Variants in AATF observed in about 807,000 individuals in gnomAD.
AATF encodes the protein apoptosis antagonizing transcription factor, also known as protein AATF.
A neutral mutation model predicts 63.7 loss-of-function variants in AATF; 48 were observed. The ratio of observed to expected loss-of-function variants is 0.75; its 90% confidence interval spans 0.60 to 0.96. The LOEUF (loss-of-function observed/expected upper bound fraction) is 0.96, where lower values mean the gene tolerates loss of function less well. Among genes scored for constraint, AATF ranks in the 40% least tolerant of loss-of-function variants. The pLI, the probability that AATF is intolerant of heterozygous loss-of-function variation, is 0.00. For synonymous variants in AATF, 258 were observed against 247.7 expected, an observed-to-expected ratio of 1.04 and a Z score of -0.39; for missense variants, 639 against 685.7, an observed-to-expected ratio of 0.93 and a Z score of 0.76.
At chr17:37,051,697 G>T (rs1681807) in intron 11 of AATF, among the ~76,000 whole-genome samples, 132 of 137,230 alleles carry the variant, frequency 9.6e-4, no homozygotes, top group African/African-American at 3.5e-3. Context: ...CAGACAGACA[G>T]ACACACACAC....
intron 8 of AATF, among the ~76,000 whole-genome samples, chr17:37,014,267 G>GTAGTAATAATAATAA (rs377360638): frequency 6.9e-6 from 1 of 145,064 alleles, no homozygotes; most frequent in African/African-American, 2.6e-5. Context: ...GACTGTCTTA[G>GTAGTAATAATAATAA]TAATAATAAT....
At chr17:37,012,067 T>TG (rs1426601177) in intron 8 of AATF, among the ~76,000 whole-genome samples, 1 of 152,070 alleles carries the variant, frequency 6.6e-6, no homozygotes, top group Non-Finnish European at 1.5e-5. Flanking sequence ...ATAATTTTTT[T>TG]TTTTTTTAAG....
At chr17:36,988,432 TATTCTC>T in intron 5 of AATF, 81 bp from the exon 6 acceptor site, 1 of 1,305,130 alleles carries the variant, frequency 7.7e-7, no homozygotes, top group Non-Finnish European at 1.1e-6. Context: ...AAGGCCTAAA[TATTCTC>T]AGTCCTTTAT....
At chr17:36,968,349 A>G (rs1056134086) in intron 4 of AATF, among the ~76,000 whole-genome samples, 1 of 120,352 alleles carries the variant, frequency 8.3e-6, no homozygotes, top group Admixed American at 1.3e-4. Context: ...ATCTCGGCTC[A>G]CTGCAGCCTT....
intron 4 of AATF, among the ~76,000 whole-genome samples, chr17:36,976,853 G>A (rs535714500): frequency 4.6e-5 from 7 of 152,280 alleles, no homozygotes; most frequent in South Asian, 2.1e-4. Context: ...CAATTTAAGC[G>A]ATGGTAATTA....
At chr17:36,983,493 A>G (rs1203995893) in intron 4 of AATF, among the ~76,000 whole-genome samples, 2 of 152,030 alleles carry the variant, frequency 1.3e-5, no homozygotes, top group African/African-American at 4.8e-5. Context: ...GACTACAGGC[A>G]TGCGCCACCA....
Position 36,988,692 on chromosome 17 carries a change from C to A in AATF, c.1121C>A (p.Thr374Asn). The change falls in exon 6 of 12, where the codon ACC becomes AAC. Residue 374 changes from threonine to asparagine, a missense_variant. Transcript: ENST00000619387. The part of the protein sequence containing the change: ...NRTLQKWHDK[T>N]KLASGKLGKG... Reference sequence around the variant, plus strand: ...ACACTTCAGAAATGGCACGATAAGACCAAACTGGCTTCTGGAAAACTGGGG... The same window carrying A: ...ACACTTCAGAAATGGCACGATAAGAACAAACTGGCTTCTGGAAAACTGGGG... 1 of 1,613,938 alleles carries A rather than the reference C, an allele frequency of 6.2e-7. No individual in the cohort carries two copies. The highest frequency in any genetic ancestry group is 8.5e-7 in the Non-Finnish European group (1 of 1,179,944).
Position 36,988,731 on chromosome 17 carries a change from G to T in AATF, c.1149+11G>T. ...GGAAAACTGGGGAAGGCAAGTGTGTGTATGCGCGCATGTATGTGTAAGATA... is the reference window on the plus strand; with the variant it reads ...GGAAAACTGGGGAAGGCAAGTGTGTTTATGCGCGCATGTATGTGTAAGATA... On this transcript the variant is annotated intron_variant, in intron 6 of 11. Transcript: ENST00000619387. 1 of 1,613,154 alleles carries T rather than the reference G, an allele frequency of 6.2e-7. No individual in the cohort carries two copies. Among genetic ancestry groups the T allele is most frequent in the Non-Finnish European group, 8.5e-7 (1 of 1,179,718 alleles).
intron 8 of AATF, among the ~76,000 whole-genome samples, chr17:37,013,560 T>C (rs1223702480): frequency 3.3e-5 from 5 of 152,148 alleles, no homozygotes; most frequent in Non-Finnish European, 1.5e-5. Context: ...CATGCCAGGC[T>C]CTTTTCAACA....
At chr17:36,958,851 A>G (rs1247990976) in intron 4 of AATF, among the ~76,000 whole-genome samples, 4 of 152,206 alleles carry the variant, frequency 2.6e-5, no homozygotes, top group Non-Finnish European at 5.9e-5. Flanking sequence ...TAATTTCTTA[A>G]TAAACATAAC....
intron 10 of AATF, among the ~76,000 whole-genome samples, chr17:37,029,140 T>A (rs1406810961): frequency 1.3e-5 from 2 of 152,096 alleles, no homozygotes; most frequent in Non-Finnish European, 2.9e-5. Context: ...CTCACTGCAG[T>A]CTCAACCTCC....
intron 2 of AATF, among the ~76,000 whole-genome samples, chr17:36,952,462 G>T (rs945933627): frequency 3.9e-5 from 6 of 152,206 alleles, no homozygotes; most frequent in African/African-American, 1.4e-4. Context: ...TTCAGATCAG[G>T]TTTGGGAAAA....
At chr17:36,952,843 A>G (rs902696876) in intron 2 of AATF, 43 bp from the exon 3 acceptor site, 1 of 1,584,802 alleles carries the variant, frequency 6.3e-7, no homozygotes, top group East Asian at 2.2e-5. Flanking sequence ...TATTTTCTCC[A>G]GGTAATACCC....
chr17:37,014,776 C>T (rs941864091), intron 8 of AATF, among the ~76,000 whole-genome samples: 1 of 152,136 alleles, frequency 6.6e-6, no homozygotes, highest in Admixed American at 6.5e-5. Context: ...CTGGATTATC[C>T]TCTAAATTTT....
At chr17:37,005,441 T>G (rs1048658614) in intron 8 of AATF, among the ~76,000 whole-genome samples, 1 of 152,150 alleles carries the variant, frequency 6.6e-6, no homozygotes, top group Non-Finnish European at 1.5e-5. Flanking sequence ...TATTGGCATC[T>G]GAAGGCTAGA....
intron 4 of AATF, among the ~76,000 whole-genome samples, chr17:36,977,927 T>C (rs1237833743): frequency 6.6e-6 from 1 of 152,190 alleles, no homozygotes; most frequent in Admixed American, 6.5e-5. Context: ...TGCTGTGTCC[T>C]ATAGGGCTTT....
In AATF at chr17:36,960,173, C is replaced by T. The variant is rs147056021; in HGVS notation, c.832+6266C>T. ...GGAGTACAGGCATGCAGCACCACGC[C>T]CAGCTAATTTTTGTATTTGTAGTAG... On this transcript the variant is annotated intron_variant, in intron 4 of 11. Transcript: ENST00000619387. Among the ~76,000 whole-genome samples, 6 of 152,216 alleles carry T rather than the reference C, an allele frequency of 3.9e-5. No individual in the cohort carries two copies. In the East Asian group the frequency reaches 1.2e-3, roughly 29 times the overall value.
Position 36,981,902 on chromosome 17 carries a change from A to G in AATF, c.833-4715A>G, listed in dbSNP as rs374896249. Reference sequence around the variant, plus strand: ...CTATCCTAACCATTTTTAAGTGTACAGTTTAGTAGTGTTAAATATATTCAC... The same window carrying G: ...CTATCCTAACCATTTTTAAGTGTACGGTTTAGTAGTGTTAAATATATTCAC... On this transcript the variant is annotated intron_variant, in intron 4 of 11. Transcript: ENST00000619387. Among the ~76,000 whole-genome samples, 6 of 151,946 alleles carry G rather than the reference A, an allele frequency of 3.9e-5. No individual in the cohort carries two copies. The East Asian group carries it at 5.8e-4, about 15-fold the overall frequency.
chr17:37,033,222 A>G (rs1003375774), intron 11 of AATF, among the ~76,000 whole-genome samples: 5 of 151,956 alleles, frequency 3.3e-5, no homozygotes. Flanking sequence ...ATGTCTAGAT[A>G]TGGCCATGGT....
Sources: gnomAD v4.1 joint callset for allele counts (sites outside exome capture counted in the v4.1 genomes callset) on GRCh38, gnomAD v4.1.1 for gene constraint, MANE v1.5 for transcripts, NCBI Gene and HGNC (gene_info 2026-07-23, HGNC 2026-07-21) for gene names.